The following MYRIP variants were observed in gnomAD, a reference collection of about 807,000 sequenced individuals.
MYRIP encodes the protein rab effector MyRIP.
MYRIP carries 49 observed loss-of-function variants against 98.0 expected under a neutral mutation model. The ratio of observed to expected loss-of-function variants is 0.50; its 90% CI spans 0.40 to 0.63. MYRIP has a LOEUF of 0.63. MYRIP is among the 30% of genes least tolerant of loss of function. The pLI is 0.00. For missense variants in MYRIP, 1,004 were observed against 1,058.2 expected, an observed-to-expected ratio of 0.95 and a Z score of 0.71; for synonymous variants, 404 against 409.5, an observed-to-expected ratio of 0.99 and a Z score of 0.16.
chr3:40,026,156 A>C (rs1176108676), intron 2 of MYRIP, among the ~76,000 whole-genome samples: 1 of 152,082 alleles, frequency 6.6e-6, no homozygotes, highest in African/African-American at 2.4e-5. Context: ...CCAGGAATGC[A>C]ATTCTTTTCC....
At chr3:40,154,206 C>A (rs1297432500) in intron 4 of MYRIP, among the ~76,000 whole-genome samples, 2 of 152,044 alleles carry the variant, frequency 1.3e-5, no homozygotes, top group African/African-American at 4.8e-5. Flanking sequence ...CCATCACATA[C>A]ACACCTCGTA....
At chr3:40,103,650 T>G (rs1366299588) in intron 3 of MYRIP, among the ~76,000 whole-genome samples, 1 of 152,030 alleles carries the variant, frequency 6.6e-6, no homozygotes, top group Non-Finnish European at 1.5e-5. Context: ...TCCCAACTAC[T>G]TGGGAGGCTG....
intron 2 of MYRIP, among the ~76,000 whole-genome samples, chr3:39,944,543 G>A (rs760646972): frequency 2.6e-5 from 4 of 151,962 alleles, no homozygotes; most frequent in Non-Finnish European, 5.9e-5. Context: ...AATACCTCTA[G>A]AAGCATATAT....
intron 16 of MYRIP, among the ~76,000 whole-genome samples, chr3:40,256,615 G>A (rs1272324311): frequency 1.3e-5 from 2 of 151,318 alleles, no homozygotes; most frequent in Admixed American, 1.3e-4. Context: ...TATATACAAT[G>A]TGATGTAAAA....
At chr3:39,979,658 AAAAAAAAAAAC>A (rs1470589406) in intron 2 of MYRIP, among the ~76,000 whole-genome samples, 1 of 148,130 alleles carries the variant, frequency 6.8e-6, no homozygotes, top group Non-Finnish European at 1.5e-5. Flanking sequence ...AACAAAACAA[AAAAAAAAAAAC>A]AAAAAAAAAC....
At chr3:39,993,051 G>A (rs983293602) in intron 2 of MYRIP, among the ~76,000 whole-genome samples, 1 of 152,114 alleles carries the variant, frequency 6.6e-6, no homozygotes, top group Non-Finnish European at 1.5e-5. Context: ...AATTTATAAT[G>A]AACAGATATT....
chr3:40,211,400 C>T (rs1056333353), intron 11 of MYRIP, among the ~76,000 whole-genome samples: 1 of 152,162 alleles, frequency 6.6e-6, no homozygotes, highest in African/African-American at 2.4e-5. Flanking sequence ...CGTGGCTGAG[C>T]CCCTGAACCC....
intron 1 of MYRIP, among the ~76,000 whole-genome samples, chr3:39,821,536 A>T: frequency 6.6e-6 from 1 of 152,042 alleles, no homozygotes; most frequent in East Asian, 1.9e-4. Flanking sequence ...TCTTAAATTT[A>T]CATGATTAAT....
At chr3:40,042,598 G>C (rs950806477) in intron 2 of MYRIP, among the ~76,000 whole-genome samples, 8 of 151,648 alleles carry the variant, frequency 5.3e-5, no homozygotes, top group Admixed American at 5.3e-4. Context: ...GTAAAGAGTA[G>C]TAAATAGTCA....
At position 39,840,723 on chromosome 3, in the gene MYRIP, C is replaced by T. The variant is rs186439200; in HGVS notation, c.-31+30807C>T. Among the ~76,000 whole-genome samples, 9 of 152,276 alleles carry T rather than the reference C, an allele frequency of 5.9e-5. No homozygotes were observed. In the East Asian group the frequency reaches 1.2e-3, roughly 20 times the overall value. On this transcript the variant is annotated intron_variant, in intron 1 of 16. Transcript: ENST00000302541. ...TTTTATTTCTCCTCCACTTATGAAG[C>T]TTAGTTAGGCTGGTTATGAAATTCT...
chr3:40,153,346 T>C (rs536663302), intron 4 of MYRIP, among the ~76,000 whole-genome samples: 1 of 152,324 alleles, frequency 6.6e-6, no homozygotes, highest in South Asian at 2.1e-4. Context: ...ACTTCAAGTA[T>C]AGAGAAATCT....
At position 39,946,692 on chromosome 3, in the gene MYRIP, T is replaced by C. The variant is rs117455424; in HGVS notation, c.110+45766T>C. ...TGAAGCTTGGAAGCAGATCTTTCCC[T>C]AGTTGGGCCTCCCACATGAGGACAC... On this transcript the variant is annotated intron_variant, in intron 2 of 16. Transcript: ENST00000302541. Among the ~76,000 whole-genome samples, 280 of 152,256 alleles carry C rather than the reference T, an allele frequency of 1.8e-3. 5 individuals carry two copies. In the East Asian group the frequency reaches 0.049, roughly 27 times the overall value.
intron 1 of MYRIP, among the ~76,000 whole-genome samples, chr3:39,823,304 G>A (rs963819755): frequency 1.7e-4 from 26 of 152,112 alleles, no homozygotes; most frequent in Admixed American, 1.4e-3. Context: ...GTGAGCCACC[G>A]TGCCTGGTCA....
intron 1 of MYRIP, among the ~76,000 whole-genome samples, chr3:39,825,087 G>T (rs1276717644): frequency 6.6e-6 from 1 of 152,174 alleles, no homozygotes; most frequent in East Asian, 1.9e-4. Context: ...TCAGTTCTAA[G>T]AGCTTTTTGG....
intron 1 of MYRIP, among the ~76,000 whole-genome samples, chr3:39,887,600 C>G (rs1943345526): frequency 6.6e-6 from 1 of 152,132 alleles, no homozygotes. Flanking sequence ...TGGAAGCATT[C>G]CCTTTGAAAA....
At chr3:40,231,922 T>C (rs1952671589) in intron 11 of MYRIP, among the ~76,000 whole-genome samples, 1 of 152,212 alleles carries the variant, frequency 6.6e-6, no homozygotes, top group East Asian at 1.9e-4. Flanking sequence ...TTGCCCTTTC[T>C]AAAACAGACC....
At chr3:40,241,826 C>G (rs937258072) in intron 12 of MYRIP, among the ~76,000 whole-genome samples, 1 of 152,118 alleles carries the variant, frequency 6.6e-6, no homozygotes, top group Non-Finnish European at 1.5e-5. Flanking sequence ...CAAGCAAGTC[C>G]AAGTGAATAT....
intron 3 of MYRIP, among the ~76,000 whole-genome samples, chr3:40,097,022 C>T (rs1334933422): frequency 6.6e-6 from 1 of 152,182 alleles, no homozygotes; most frequent in East Asian, 1.9e-4. Flanking sequence ...TCCTCTGTTG[C>T]CATGGAGGCT....
intron 2 of MYRIP, among the ~76,000 whole-genome samples, chr3:40,008,380 C>G (rs1485575947): frequency 6.6e-6 from 1 of 152,186 alleles, no homozygotes; most frequent in African/African-American, 2.4e-5. Context: ...AGACGTTTAA[C>G]ATATTTTAAA....
Sources: gnomAD v4.1 joint callset for allele counts (sites outside exome capture counted in the v4.1 genomes callset) on GRCh38, gnomAD v4.1.1 for gene constraint, MANE v1.5 for transcripts, NCBI Gene and HGNC (gene_info 2026-07-23, HGNC 2026-07-21) for gene names.